The following MYRIP variants were observed in gnomAD, a reference collection of about 807,000 sequenced individuals.
MYRIP encodes the protein rab effector MyRIP.
MYRIP carries 49 observed loss-of-function variants against 98.0 expected under a neutral mutation model. The observed-to-expected ratio is 0.50, with a 90% CI of 0.40 to 0.63. The LOEUF is 0.63. Among genes scored for constraint, MYRIP ranks in the 30% least tolerant of loss-of-function variants. The pLI, the probability that MYRIP is intolerant of heterozygous loss-of-function variation, is 0.00. For synonymous variants in MYRIP, 404 were observed against 409.5 expected, an observed-to-expected ratio of 0.99 and a Z score of 0.16; for missense variants, 1,004 against 1,058.2, an observed-to-expected ratio of 0.95 and a Z score of 0.71.
At chr3:39,950,656 G>A (rs1187873685) in intron 2 of MYRIP, among the ~76,000 whole-genome samples, 1 of 152,126 alleles carries the variant, frequency 6.6e-6, no homozygotes, top group Non-Finnish European at 1.5e-5. Context: ...TCTTCACAGC[G>A]TGATGGCCTC....
intron 3 of MYRIP, among the ~76,000 whole-genome samples, chr3:40,133,951 T>C (rs749844002): frequency 6.6e-6 from 1 of 152,108 alleles, no homozygotes; most frequent in Non-Finnish European, 1.5e-5. Context: ...GCTCCCAGCA[T>C]GAGCGATGCA....
At chr3:40,126,899 G>A (rs1463427186) in intron 3 of MYRIP, among the ~76,000 whole-genome samples, 2 of 152,194 alleles carry the variant, frequency 1.3e-5, no homozygotes, top group Admixed American at 1.3e-4. Context: ...CCATCGGCAG[G>A]TGACAGACCC....
Position 40,258,174 on chromosome 3 carries a change from G to A in MYRIP, c.*8G>A, listed in dbSNP as rs772363518. ...TCAGCTGTGATGTACTGACACCATG[G>A]AATTCCACTGCCAGTGACCCACTGC... On this transcript the variant is annotated 3_prime_UTR_variant, in exon 17 of 17. Transcript: ENST00000302541. 18 of 1,614,012 alleles carry A rather than the reference G, an allele frequency of 1.1e-5. No individual in the cohort carries two copies. Among genetic ancestry groups the A allele is most frequent in the Admixed American group, 3.3e-5 (2 of 60,004 alleles).
chr3:40,061,549 G>T (rs748217839), intron 3 of MYRIP, among the ~76,000 whole-genome samples: 1 of 152,212 alleles, frequency 6.6e-6, no homozygotes, highest in Non-Finnish European at 1.5e-5. Flanking sequence ...GAACATACAT[G>T]TGTATGTGTC....
intron 9 of MYRIP, among the ~76,000 whole-genome samples, chr3:40,186,473 G>A (rs1481461397): frequency 6.6e-6 from 1 of 152,174 alleles, no homozygotes; most frequent in Non-Finnish European, 1.5e-5. Context: ...GTGGGTGGCT[G>A]GAGCTTGACC....
intron 4 of MYRIP, among the ~76,000 whole-genome samples, chr3:40,157,958 A>C (rs77417760): frequency 6.6e-6 from 1 of 151,840 alleles, no homozygotes; most frequent in African/African-American, 2.4e-5. Context: ...TCCTGGATTC[A>C]TTTATTTTTT....
intron 2 of MYRIP, among the ~76,000 whole-genome samples, chr3:40,032,121 C>A (rs1947275286): frequency 6.6e-6 from 1 of 151,962 alleles, no homozygotes; most frequent in African/African-American, 2.4e-5. Context: ...CTCTTGTGGG[C>A]ATTTAGTGCT....
chr3:39,839,121 A>G (rs937607120), intron 1 of MYRIP, among the ~76,000 whole-genome samples: 1 of 151,690 alleles, frequency 6.6e-6, no homozygotes, highest in Non-Finnish European at 1.5e-5. Flanking sequence ...TATTTTGTTA[A>G]TCTTCAAAAA....
At chr3:39,924,236 A>T (rs1409844458) in intron 2 of MYRIP, among the ~76,000 whole-genome samples, 5 of 152,100 alleles carry the variant, frequency 3.3e-5, no homozygotes, top group African/African-American at 1.2e-4. Context: ...ATTTACAAGA[A>T]ATTCACCTCA....
chr3:40,071,280 G>A, intron 3 of MYRIP: 1 of 765,698 alleles, frequency 1.3e-6, no homozygotes, highest in South Asian at 5.9e-5. Context: ...AGAGATGGCT[G>A]GATCAGGGGA....
intron 11 of MYRIP, among the ~76,000 whole-genome samples, chr3:40,230,188 T>C (rs1308098813): frequency 1.3e-5 from 2 of 152,192 alleles, no homozygotes; most frequent in African/African-American, 4.8e-5. Context: ...CCATATTTGA[T>C]TTCCCTTATG....
intron 1 of MYRIP, among the ~76,000 whole-genome samples, chr3:39,811,460 C>CCTAT (rs1426301373): frequency 6.6e-6 from 1 of 151,860 alleles, no homozygotes. Context: ...TATCTGGGAC[C>CCTAT]CTATTTGCAG....
chr3:40,150,934 T>C (rs1218982590), intron 3 of MYRIP, 114 bp from the exon 4 acceptor site: 1 of 1,074,600 alleles, frequency 9.3e-7, no homozygotes, highest in South Asian at 2.1e-5. Context: ...CCGCCCAGAT[T>C]CAAGGGGAAT....
chr3:39,966,724 G>A (rs939390987), intron 2 of MYRIP, among the ~76,000 whole-genome samples: 1 of 152,228 alleles, frequency 6.6e-6, no homozygotes, highest in East Asian at 1.9e-4. Context: ...GGCCTTTGCC[G>A]AAGCAATGTA....
intron 2 of MYRIP, among the ~76,000 whole-genome samples, chr3:39,939,418 C>A (rs1183171184): frequency 6.6e-6 from 1 of 151,912 alleles, no homozygotes; most frequent in Non-Finnish European, 1.5e-5. Flanking sequence ...AAAGTCCATG[C>A]AGTTAAAAAA....
At chr3:40,249,519 C>A (rs920976208) in intron 13 of MYRIP, among the ~76,000 whole-genome samples, 1 of 152,206 alleles carries the variant, frequency 6.6e-6, no homozygotes, top group Non-Finnish European at 1.5e-5. Flanking sequence ...TGGTTCCTGG[C>A]ACATAATAAT....
chr3:40,211,836 C>T (rs1559456291), intron 11 of MYRIP, among the ~76,000 whole-genome samples: 1 of 151,682 alleles, frequency 6.6e-6, no homozygotes, highest in South Asian at 2.1e-4. Flanking sequence ...CACCAATGTA[C>T]GCTATTCTCC....
chr3:40,112,183 G>T (rs1250081664), intron 3 of MYRIP, among the ~76,000 whole-genome samples: 1 of 151,016 alleles, frequency 6.6e-6, no homozygotes, highest in Admixed American at 6.6e-5. Flanking sequence ...GTGGATTAAG[G>T]CTGGAACACA....
At chr3:39,943,095 G>C (rs1046483145) in intron 2 of MYRIP, among the ~76,000 whole-genome samples, 2 of 152,108 alleles carry the variant, frequency 1.3e-5, no homozygotes, top group African/African-American at 4.8e-5. Flanking sequence ...AGACTCATCT[G>C]AGGCACCCAT....
Sources: gnomAD v4.1 joint callset for allele counts (sites outside exome capture counted in the v4.1 genomes callset) on GRCh38, gnomAD v4.1.1 for gene constraint, MANE v1.5 for transcripts, NCBI Gene and HGNC (gene_info 2026-07-23, HGNC 2026-07-21) for gene names.